SRGAP3: variants seen among roughly 807,000 people sequenced by gnomAD.
SRGAP3 encodes the protein SLIT-ROBO Rho GTPase activating protein 3.
Under a neutral mutation model 121.1 loss-of-function variants are expected in SRGAP3, and 39 were observed. The ratio of observed to expected loss-of-function variants is 0.32; its 90% CI spans 0.25 to 0.42. The LOEUF (loss-of-function observed/expected upper bound fraction) is 0.42, where lower values mean the gene tolerates loss of function less well. Among genes scored for constraint, SRGAP3 ranks in the 10% least tolerant of loss-of-function variants. The probability of loss-of-function intolerance (pLI) is 1.00; values close to 1 mark genes in which losing one functional copy is unlikely to be tolerated. For missense variants in SRGAP3, 1,213 were observed against 1,470.6 expected (o/e 0.82, Z 2.86); for synonymous variants, 601 against 570.0 (o/e 1.05, Z -0.77).
At chr3:9,273,461 C>T (rs561998382) in intron 3 of SRGAP3, among the ~76,000 whole-genome samples, 20 of 151,102 alleles carry the variant, frequency 1.3e-4, no homozygotes, top group African/African-American at 4.6e-4. Flanking sequence ...TTTGTCATTG[C>T]TGAGTTTTAG....
rs1181895646 is a variant in SRGAP3 at position 8,985,791 on chromosome 3, C to T, written c.3028G>A (p.Ala1010Thr). ...NPPGPVSSEP[A>T]SPLHTIVIRD... The stretch of plus-strand genomic sequence containing the variant: ...ATGACGATGGTGTGAAGGGGACTGG[C>T]GGGCTCCGAGCTGACGGGGCCTGGC... Residue 1010 changes from alanine to threonine, a missense_variant, in exon 22 of 22, where the codon GCC (alanine) becomes ACC (threonine). This residue lies in a region of SRGAP3 where 420 missense variants were observed against 437.7 expected (regional missense o/e 0.96). Transcript: ENST00000383836. This position sits in a 1 kb window ranked among gnomAD's most constrained non-coding sequence, Gnocchi z 5.1. 5.6e-6 allele frequency: 9 copies of T among 1,600,122 alleles called. No homozygotes were observed. Among genetic ancestry groups the T allele is most frequent in the South Asian group, 1.1e-5 (1 of 91,054 alleles).
At chr3:9,178,142 C>A (rs753237121) in intron 1 of SRGAP3, among the ~76,000 whole-genome samples, 4 of 152,140 alleles carry the variant, frequency 2.6e-5, no homozygotes, top group Admixed American at 1.3e-4. Flanking sequence ...GTGGCGCATG[C>A]CTGTAGTCTC....
intron 1 of SRGAP3, chr3:9,349,587 T>G (rs1011399993): frequency 8.2e-4 from 141 of 171,024 alleles, no homozygotes; most frequent in Non-Finnish European, 3.1e-4. Flanking sequence ...TTCATTCCAG[T>G]GGAAGATGAA....
intron 3 of SRGAP3, among the ~76,000 whole-genome samples, chr3:9,293,987 T>A (rs777835615): frequency 6.6e-6 from 1 of 152,188 alleles, no homozygotes; most frequent in African/African-American, 2.4e-5. Context: ...ACCGGTTATA[T>A]ACCCAAAGGA....
intron 1 of SRGAP3, among the ~76,000 whole-genome samples, chr3:9,341,541 G>C (rs1955788355): frequency 6.6e-6 from 1 of 152,242 alleles, no homozygotes; most frequent in South Asian, 2.1e-4. Context: ...GTTGGGAGAA[G>C]AGGTCAGCAG....
At chr3:9,163,216 C>A (rs1950657978) in intron 1 of SRGAP3, among the ~76,000 whole-genome samples, 2 of 152,198 alleles carry the variant, frequency 1.3e-5, no homozygotes, top group Non-Finnish European at 2.9e-5. Flanking sequence ...TGAGAGGAGC[C>A]AGTCTGTCCG....
intron 3 of SRGAP3, among the ~76,000 whole-genome samples, chr3:9,082,596 CA>C (rs1407973892): frequency 6.6e-6 from 1 of 152,218 alleles, no homozygotes; most frequent in Non-Finnish European, 1.5e-5. Flanking sequence ...CCCTGTTTGC[CA>C]AGACCATCGT....
chr3:9,290,234 A>G (rs1207078541), intron 3 of SRGAP3, among the ~76,000 whole-genome samples: 4 of 152,222 alleles, frequency 2.6e-5, no homozygotes, highest in Non-Finnish European at 5.9e-5. Flanking sequence ...TTGCTAGCTC[A>G]CTAACATATT....
At chr3:9,228,952 C>A (rs1299452740) in intron 1 of SRGAP3, among the ~76,000 whole-genome samples, 1 of 151,458 alleles carries the variant, frequency 6.6e-6, no homozygotes, top group Non-Finnish European at 1.5e-5. Flanking sequence ...GTCCCAGCTA[C>A]TCGGGAGGCT....
chr3:9,080,766 T>A (rs939738324), intron 3 of SRGAP3, among the ~76,000 whole-genome samples: 2 of 152,058 alleles, frequency 1.3e-5, no homozygotes, highest in African/African-American at 4.8e-5. Flanking sequence ...ATGTGGGGGA[T>A]CTAGGTTGCA....
chr3:9,055,166 C>T (rs985222945), intron 8 of SRGAP3, among the ~76,000 whole-genome samples: 1 of 152,200 alleles, frequency 6.6e-6, no homozygotes. Context: ...ACAACCTCCC[C>T]CTGGGGACTG....
intron 4 of SRGAP3, among the ~76,000 whole-genome samples, chr3:9,074,329 C>G (rs1413644581): frequency 1.3e-5 from 2 of 152,208 alleles, no homozygotes; most frequent in African/African-American, 4.8e-5. Context: ...GACAATCACT[C>G]TCCCCAGAAT....
At chr3:9,168,479 G>A (rs1262936688) in intron 1 of SRGAP3, among the ~76,000 whole-genome samples, 1 of 152,236 alleles carries the variant, frequency 6.6e-6, no homozygotes, top group Non-Finnish European at 1.5e-5. Context: ...TCACGCATGA[G>A]CAGGATGTGC....
At chr3:9,229,508 C>A (rs1463234078) in intron 1 of SRGAP3, among the ~76,000 whole-genome samples, 1 of 152,174 alleles carries the variant, frequency 6.6e-6, no homozygotes, top group Non-Finnish European at 1.5e-5. Flanking sequence ...ACGTGGAGAA[C>A]AGCTCACCAG....
At position 9,232,462 on chromosome 3, in the gene SRGAP3, A is replaced by G. The variant is rs117535235; in HGVS notation, c.67+16423T>C. Reference sequence around the variant, plus strand: ...CATTACCAATCGTCAAAAACCAAAGACTCTTTTTATACATATCTAAATATA... The same window carrying G: ...CATTACCAATCGTCAAAAACCAAAGGCTCTTTTTATACATATCTAAATATA... On this transcript the variant is annotated intron_variant, in intron 1 of 21. Transcript: ENST00000383836. 1.9e-3 allele frequency among the ~76,000 whole-genome samples: 292 copies of G among 151,750 alleles called. 10 individuals carry two copies. The East Asian group carries it at 0.039, about 20-fold the overall frequency.
intron 1 of SRGAP3, among the ~76,000 whole-genome samples, chr3:9,246,123 C>A (rs1459673960): frequency 6.6e-6 from 1 of 152,144 alleles, no homozygotes; most frequent in Non-Finnish European, 1.5e-5. Flanking sequence ...AGAAAAAATA[C>A]TGTTCTAAAA....
chr3:9,145,039 C>T (rs1371289044), intron 1 of SRGAP3, among the ~76,000 whole-genome samples: 1 of 152,154 alleles, frequency 6.6e-6, no homozygotes, highest in African/African-American at 2.4e-5. Context: ...GTAACTTTAT[C>T]TTCTACTCTA....
At chr3:9,011,377 C>T (rs1943366817) in intron 17 of SRGAP3, among the ~76,000 whole-genome samples, 1 of 152,190 alleles carries the variant, frequency 6.6e-6, no homozygotes, top group Non-Finnish European at 1.5e-5. Context: ...CCACTGTCAC[C>T]TGAATCAGGA....
At chr3:9,190,046 T>C (rs550365703) in intron 1 of SRGAP3, among the ~76,000 whole-genome samples, 45 of 152,134 alleles carry the variant, frequency 3.0e-4, no homozygotes, top group African/African-American at 1.1e-3. Context: ...ACGGGTGAAA[T>C]TGACACACAA....
Sources: allele counts gnomAD v4.1 joint callset (sites outside exome capture counted in the v4.1 genomes callset), GRCh38; gene constraint gnomAD v4.1.1; regional missense constraint gnomAD v4.1.1; non-coding constraint Gnocchi (gnomAD v3.1); transcripts MANE v1.5; gene names NCBI Gene and HGNC (gene_info 2026-07-23, HGNC 2026-07-21).